MACROD2: variants seen among roughly 807,000 people sequenced by gnomAD.
The protein encoded by MACROD2 is ADP-ribose glycohydrolase MACROD2.
Under a neutral mutation model 70.4 loss-of-function variants are expected in MACROD2, and 36 were observed. That is an observed-to-expected ratio of 0.51 (90% confidence interval 0.39 to 0.68). The LOEUF (loss-of-function observed/expected upper bound fraction) is 0.68, where lower values mean the gene tolerates loss of function less well. MACROD2 is among the 30% of genes least tolerant of loss of function. The probability of loss-of-function intolerance (pLI) is 0.00; values close to 1 mark genes in which losing one functional copy is unlikely to be tolerated. For missense variants in MACROD2, 496 were observed against 538.4 expected (o/e 0.92, Z 0.78); for synonymous variants, 172 against 178.8 (o/e 0.96, Z 0.30).
chr20:14,066,632 T>C (rs990777036), intron 2 of MACROD2, among the ~76,000 whole-genome samples: 4 of 152,108 alleles, frequency 2.6e-5, no homozygotes, highest in Admixed American at 1.3e-4. Context: ...ATGAAACAAT[T>C]ATTTACTACA....
intron 2 of MACROD2, among the ~76,000 whole-genome samples, chr20:14,029,519 T>TTTC (rs2148630736): frequency 6.6e-6 from 1 of 152,312 alleles, no homozygotes; most frequent in East Asian, 1.9e-4. Flanking sequence ...CTTCAGTGAC[T>TTTC]TTAAGGGCTG....
At chr20:16,012,940 G>A (rs1196565115) in intron 15 of MACROD2, among the ~76,000 whole-genome samples, 1 of 152,230 alleles carries the variant, frequency 6.6e-6, no homozygotes, top group Non-Finnish European at 1.5e-5. Flanking sequence ...CCAGCACTTT[G>A]GGAGGCTGAA....
intron 8 of MACROD2, among the ~76,000 whole-genome samples, chr20:15,829,722 C>A (rs1180095698): frequency 6.6e-6 from 1 of 152,126 alleles, no homozygotes. Context: ...GCATTCTCCA[C>A]AGTCACACTC....
chr20:14,064,932 C>T (rs995445487), intron 2 of MACROD2, among the ~76,000 whole-genome samples: 4 of 152,110 alleles, frequency 2.6e-5, no homozygotes, highest in Non-Finnish European at 4.4e-5. Flanking sequence ...ACTTTCACAT[C>T]GGTAGGGAAA....
At chr20:15,225,449 T>G (rs769244036) in intron 5 of MACROD2, among the ~76,000 whole-genome samples, 4 of 152,202 alleles carry the variant, frequency 2.6e-5, no homozygotes, top group African/African-American at 7.2e-5. Context: ...GTGAAAAGTT[T>G]CCTCCCCATA....
intron 5 of MACROD2, among the ~76,000 whole-genome samples, chr20:14,731,506 A>C (rs1465555577): frequency 1.3e-5 from 2 of 152,180 alleles, no homozygotes; most frequent in African/African-American, 2.4e-5. Context: ...TAGAAGAAAT[A>C]GTTATGAAAA....
At chr20:14,627,403 C>G (rs1349029819) in intron 4 of MACROD2, among the ~76,000 whole-genome samples, 3 of 152,128 alleles carry the variant, frequency 2.0e-5, no homozygotes, top group Non-Finnish European at 2.9e-5. Context: ...TTGATGAGCC[C>G]ATTGTGAAGG....
At chr20:14,765,065 C>T (rs1239392211) in intron 5 of MACROD2, among the ~76,000 whole-genome samples, 1 of 152,138 alleles carries the variant, frequency 6.6e-6, no homozygotes, top group Non-Finnish European at 1.5e-5. Flanking sequence ...CAGTTCAAAA[C>T]TTAAGCAGTG....
chr20:15,876,835 G>T (rs1013476600), intron 9 of MACROD2, among the ~76,000 whole-genome samples: 4 of 152,050 alleles, frequency 2.6e-5, no homozygotes, highest in Non-Finnish European at 4.4e-5. Flanking sequence ...ATCTCATTGT[G>T]GTTTTGATTT....
At chr20:15,112,993 T>TGTGTGTGTGTGTGTGTGTGTGTG (rs1568580128) in intron 5 of MACROD2, among the ~76,000 whole-genome samples, 1 of 151,954 alleles carries the variant, frequency 6.6e-6, no homozygotes, top group Non-Finnish European at 1.5e-5. Context: ...TGTGTGTGTA[T>TGTGTGTGTGTGTGTGTGTGTGTG]TTATATCACA....
At chr20:14,154,245 A>G (rs1448360886) in intron 3 of MACROD2, among the ~76,000 whole-genome samples, 3 of 152,058 alleles carry the variant, frequency 2.0e-5, no homozygotes, top group Non-Finnish European at 2.9e-5. Context: ...ATTATTCCTG[A>G]CGAGTGTACT....
intron 5 of MACROD2, among the ~76,000 whole-genome samples, chr20:14,794,994 A>G (rs1298710595): frequency 6.6e-6 from 1 of 152,074 alleles, no homozygotes. Context: ...GGAGGTACCT[A>G]TGTGAAATAC....
intron 4 of MACROD2, among the ~76,000 whole-genome samples, chr20:14,675,221 T>G (rs988969478): frequency 6.6e-6 from 1 of 152,062 alleles, no homozygotes; most frequent in Non-Finnish European, 1.5e-5. Flanking sequence ...AAGATACTCC[T>G]TGAGAAGAGC....
intron 5 of MACROD2, among the ~76,000 whole-genome samples, chr20:14,960,330 G>A (rs975976106): frequency 6.6e-6 from 1 of 152,164 alleles, no homozygotes; most frequent in Non-Finnish European, 1.5e-5. Context: ...GGGAGAGAAG[G>A]TGGAGAATGT....
intron 11 of MACROD2, among the ~76,000 whole-genome samples, chr20:15,936,613 TCAAATCA>T (rs1568653191): frequency 1.3e-5 from 2 of 149,690 alleles, no homozygotes; most frequent in African/African-American, 4.9e-5. Flanking sequence ...ACATTTGGAA[TCAAATCA>T]CAAATCACAT....
intron 5 of MACROD2, among the ~76,000 whole-genome samples, chr20:14,903,001 A>G (rs2073914998): frequency 6.6e-6 from 1 of 151,232 alleles, no homozygotes; most frequent in Non-Finnish European, 1.5e-5. Context: ...GAAGTACGTC[A>G]GGGAGAGGAC....
chr20:14,653,727 T>A (rs986152166), intron 4 of MACROD2, among the ~76,000 whole-genome samples: 1 of 152,184 alleles, frequency 6.6e-6, no homozygotes, highest in African/African-American at 2.4e-5. Context: ...ACACCTCAGG[T>A]GTTCTTTACT....
intron 8 of MACROD2, among the ~76,000 whole-genome samples, chr20:15,603,292 A>T (rs975840728): frequency 3.9e-4 from 60 of 152,064 alleles, no homozygotes; most frequent in African/African-American, 1.4e-3. Flanking sequence ...TGAGGTCAGG[A>T]GTTCGAGACC....
chr20:14,345,476 T>C (rs1329016481), intron 3 of MACROD2, among the ~76,000 whole-genome samples: 1 of 152,056 alleles, frequency 6.6e-6, no homozygotes, highest in African/African-American at 2.4e-5. Context: ...TAAATCATAT[T>C]TGTGTCTTGT....
Sources: gnomAD v4.1 joint callset for allele counts (sites outside exome capture counted in the v4.1 genomes callset) on GRCh38, gnomAD v4.1.1 for gene constraint, MANE v1.5 for transcripts, NCBI Gene and HGNC (gene_info 2026-07-23, HGNC 2026-07-21) for gene names.